The following LRIG3 variants were observed in gnomAD, a reference collection of about 807,000 sequenced individuals.
LRIG3 encodes the protein leucine-rich repeats and immunoglobulin-like domains protein 3.
A neutral mutation model predicts 114.5 loss-of-function variants in LRIG3; 76 were observed. That is an observed-to-expected ratio of 0.66 (90% confidence interval 0.55 to 0.80). LRIG3 has a LOEUF of 0.80. Ranked by LOEUF, LRIG3 falls within the 30% of genes least tolerant of loss-of-function variation. LRIG3 has a pLI of 0.00. For missense variants in LRIG3, 1,239 were observed against 1,382.8 expected (o/e 0.90, Z 1.65); for synonymous variants, 512 against 519.8 (o/e 0.98, Z 0.20).
chr12:58,894,079 G>T (rs1871549648), intron 3 of LRIG3, among the ~76,000 whole-genome samples: 1 of 152,174 alleles, frequency 6.6e-6, no homozygotes, highest in South Asian at 2.1e-4. Flanking sequence ...TGTTTATAAG[G>T]TAATTATGAA....
chr12:58,901,305 T>C (rs942945962), intron 3 of LRIG3, among the ~76,000 whole-genome samples: 1 of 152,202 alleles, frequency 6.6e-6, no homozygotes, highest in Non-Finnish European at 1.5e-5. Context: ...TCTGGTATTC[T>C]GGTTGAGAGA....
At chr12:58,903,406 T>G (rs1871941293) in intron 3 of LRIG3, among the ~76,000 whole-genome samples, 1 of 152,216 alleles carries the variant, frequency 6.6e-6, no homozygotes, top group African/African-American at 2.4e-5. Flanking sequence ...GCCCACTTTT[T>G]GATGGGGTTG....
intron 10 of LRIG3, among the ~76,000 whole-genome samples, chr12:58,884,530 G>T (rs549919080): frequency 6.6e-6 from 1 of 152,196 alleles, no homozygotes; most frequent in African/African-American, 2.4e-5. Context: ...AACGGAATGG[G>T]CCAAATGACA....
At chr12:58,904,707 T>C (rs1355957733) in intron 3 of LRIG3, among the ~76,000 whole-genome samples, 1 of 152,128 alleles carries the variant, frequency 6.6e-6, no homozygotes, top group Non-Finnish European at 1.5e-5. Context: ...ACAGAAAAGT[T>C]ACCCATATAT....
chr12:58,914,336 C>A lies in LRIG3; in HGVS notation c.237G>T (p.Leu79=). 1 of 1,611,076 alleles carries A rather than the reference C, an allele frequency of 6.2e-7. No homozygotes were observed. ...PEPLPSWVAR[L]DLSHNRLSFI... is the part of the protein sequence containing the mutation. The stretch of plus-strand genomic sequence containing the variant: ...AAGATAATCTGTTGTGACTTAAGTC[C>A]CTATAAGAAAACAAAAATAAAATTA... Residue 79 remains leucine, a splice_region_variant and synonymous_variant, in exon 2 of 19, where the codon CTG becomes CTT. Coordinates refer to ENST00000320743, the MANE Select transcript of LRIG3 (RefSeq NM_153377.5).
chr12:58,890,814 C>A lies in LRIG3; in HGVS notation c.384-18G>T, dbSNP rs1193931608. On this transcript the variant is annotated intron_variant, in intron 3 of 18. Coordinates refer to ENST00000320743, the MANE Select transcript of LRIG3 (RefSeq NM_153377.5). ...TTCCAGCCCTAGAATTAAAAGAAAC[C>A]ACAGTTAACAAGGTTAACGGTACAA... 6.3e-7 allele frequency: 1 copy of A among 1,593,548 alleles called. No individual in the cohort carries two copies. Among genetic ancestry groups the A allele is most frequent in the Non-Finnish European group, 8.5e-7 (1 of 1,173,000 alleles).
chr12:58,919,389 A>C, intron 1 of LRIG3: 1 of 1,551,380 alleles, frequency 6.4e-7, no homozygotes, highest in Non-Finnish European at 8.7e-7. Flanking sequence ...ATAGCTACCG[A>C]CCAGTCTTTA....
At chr12:58,873,867 T>C in intron 18 of LRIG3, 188 bp downstream of exon 18, 1 of 659,264 alleles carries the variant, frequency 1.5e-6, no homozygotes, top group Non-Finnish European at 2.6e-6. Context: ...ATTAAACACA[T>C]CATCAAGTAA....
chr12:58,886,653 C>T (rs760332412), intron 9 of LRIG3, among the ~76,000 whole-genome samples, 157 bp downstream of exon 9: 11 of 152,106 alleles, frequency 7.2e-5, no homozygotes, highest in East Asian at 1.9e-4. Flanking sequence ...ATACATCTTG[C>T]GCAACAGCAG....
chr12:58,889,059 T>G (rs1871368431), intron 5 of LRIG3, 97 bp from the exon 6 acceptor site: 2 of 1,161,688 alleles, frequency 1.7e-6, no homozygotes, highest in African/African-American at 3.1e-5. Flanking sequence ...AACCAGTCAG[T>G]GTTCAATTAC....
At position 58,874,442 on chromosome 12, in the gene LRIG3, T is replaced by C. The variant is rs1870845720; in HGVS notation, c.2827A>G (p.Thr943Ala). ...GNVYGSDPFE[T>A]YHTGCSPDPR... Reference sequence around the variant, plus strand: ...GAAAACCACCTACCTGTATGATATGTTTCAAAAGGATCTGAGCCATACACA... The same window carrying C: ...GAAAACCACCTACCTGTATGATATGCTTCAAAAGGATCTGAGCCATACACA... Residue 943 changes from threonine (T) to alanine (A), a missense_variant, in exon 17 of 19, where the codon ACA (threonine) becomes GCA (alanine). Physicochemically the swap from Thr to Ala is moderately conservative, Grantham distance 58. Coordinates refer to ENST00000320743, the MANE Select transcript of LRIG3 (RefSeq NM_153377.5). 6.2e-7 allele frequency: 1 copy of C among 1,614,018 alleles called. No individual in the cohort carries two copies. Among genetic ancestry groups the C allele is most frequent in the Admixed American group, 1.7e-5 (1 of 59,986 alleles).
chr12:58,874,150 C>G lies in LRIG3; in HGVS notation c.3020G>C (p.Gly1007Ala). ...TAGACACAGATTTTTCATTCCAGGT[C>G]CTTCATTGTGAGAGTAACTAGTGTT... ...LLNTSYSHNE[G>A]PGMKNLCLNK... Residue 1007 changes from glycine to alanine, a missense_variant, in exon 18 of 19, where the codon GGA becomes GCA. Transcript: ENST00000320743. 6.2e-7 allele frequency: 1 copy of G among 1,614,150 alleles called. No homozygotes were observed. The highest frequency in any genetic ancestry group is 1.1e-5 in the South Asian group (1 of 91,086).
chr12:58,882,256 TAGAC>T (rs1159258327), intron 12 of LRIG3, among the ~76,000 whole-genome samples: 2 of 152,208 alleles, frequency 1.3e-5, no homozygotes, highest in Admixed American at 6.5e-5. Context: ...CATCATGTAA[TAGAC>T]AGAAAGTTAC....
chr12:58,889,694 T>A (rs193213045), intron 5 of LRIG3, among the ~76,000 whole-genome samples: 1 of 152,242 alleles, frequency 6.6e-6, no homozygotes, highest in East Asian at 1.9e-4. Flanking sequence ...ACCACAGCTG[T>A]TGAGACCTCG....
At position 58,879,038 on chromosome 12, in the gene LRIG3, C is replaced by G. The variant is rs779231706; in HGVS notation, c.1869G>C (p.Glu623Asp). 9.3e-6 allele frequency: 15 copies of G among 1,614,070 alleles called. No homozygotes were observed. The African/African-American group carries it at 1.9e-4, about 20-fold the overall frequency. The change falls in exon 14 of 19, where the codon GAG becomes GAC. Residue 623 changes from glutamate to aspartate, a missense_variant. Coordinates refer to ENST00000320743, the MANE Select transcript of LRIG3 (RefSeq NM_153377.5). ...TIRAGAMARL[E>D]CAAVGHPAPQ... is the part of the protein sequence containing the mutation. ...GGGCTGGGTGCCCCACAGCAGCACA[C>G]TCCAAGCGTGCCATGGCCCCAGCTC... is the stretch of plus-strand genomic sequence containing the variant.
intron 1 of LRIG3, among the ~76,000 whole-genome samples, chr12:58,916,377 A>T (rs1174322418): frequency 1.3e-5 from 2 of 152,270 alleles, no homozygotes; most frequent in South Asian, 4.1e-4. Context: ...GAAAAAAAAC[A>T]CCCCTTAAAT....
At chr12:58,919,276 C>T in intron 1 of LRIG3, 1 of 981,974 alleles carries the variant, frequency 1.0e-6, no homozygotes, top group Non-Finnish European at 1.4e-6. Flanking sequence ...AATCCAAAAA[C>T]TTGCATAAGA....
intron 18 of LRIG3, chr12:58,873,636 G>A (rs1013703947): frequency 1.6e-5 from 3 of 187,864 alleles, no homozygotes; most frequent in African/African-American, 7.1e-5. Context: ...TAGGTAGGAT[G>A]TTGTTTTCCA....
chr12:58,894,551 T>C (rs1871573040), intron 3 of LRIG3, among the ~76,000 whole-genome samples: 1 of 152,130 alleles, frequency 6.6e-6, no homozygotes, highest in Non-Finnish European at 1.5e-5. Flanking sequence ...AAAACATATT[T>C]TATGGAGTTG....
Sources: gnomAD v4.1 joint callset for allele counts (sites outside exome capture counted in the v4.1 genomes callset) on GRCh38, gnomAD v4.1.1 for gene constraint, MANE v1.5 for transcripts, NCBI Gene and HGNC (gene_info 2026-07-23, HGNC 2026-07-21) for gene names.